The following ASPRV1 variants were observed in gnomAD, a reference collection of about 807,000 sequenced individuals.
ASPRV1 encodes the protein retroviral-like aspartic protease 1.
ASPRV1 carries 7 observed loss-of-function variants against 11.0 expected under a neutral mutation model. The observed-to-expected ratio is 0.64, with a 90% CI of 0.36 to 1.20. The LOEUF (loss-of-function observed/expected upper bound fraction) is 1.20, where lower values mean the gene tolerates loss of function less well. Ranked by LOEUF, ASPRV1 falls within the 50% of genes most tolerant of loss-of-function variation. The pLI is 0.02. For missense variants in ASPRV1, 299 were observed against 320.0 expected (o/e 0.93, Z 0.50); for synonymous variants, 136 against 138.4 (o/e 0.98, Z 0.12).
At chr2:69,948,839 A>G in the ASPRV1 span, among the ~76,000 whole-genome samples, 1 of 151,912 alleles carries the variant, frequency 6.6e-6, no homozygotes, top group Non-Finnish European at 1.5e-5. Context: ...GACAGCACTC[A>G]GGCCTCCCCC....
chr2:69,967,316 C>T, the ASPRV1 span, among the ~76,000 whole-genome samples: 1 of 152,116 alleles, frequency 6.6e-6, no homozygotes, highest in Non-Finnish European at 1.5e-5. Flanking sequence ...AGATGGCAGC[C>T]CAAGGAGCCT....
the ASPRV1 span, among the ~76,000 whole-genome samples, chr2:69,949,945 A>G: frequency 6.6e-6 from 1 of 152,052 alleles, no homozygotes; most frequent in South Asian, 2.1e-4. Flanking sequence ...CCTCCCGAGT[A>G]GCTGGGATTA....
chr2:70,018,905 C>T, the ASPRV1 span: 1 of 152,094 alleles, frequency 6.6e-6, no homozygotes, highest in African/African-American at 2.4e-5. Context: ...GCAACAAAAG[C>T]AAAATAGGAT....
chr2:70,059,665 C>G, the ASPRV1 span: 4 of 166,098 alleles, frequency 2.4e-5, no homozygotes, highest in African/African-American at 9.6e-5. Context: ...TCAGTGGGAG[C>G]CCTGAGCTTG....
chr2:69,974,027 G>T, the ASPRV1 span, among the ~76,000 whole-genome samples: 8 of 152,254 alleles, frequency 5.3e-5, no homozygotes, highest in South Asian at 8.3e-4. Context: ...AATCTTAAAA[G>T]AATAAAGAAT....
chr2:70,038,261 T>C, the ASPRV1 span, among the ~76,000 whole-genome samples: 1 of 152,192 alleles, frequency 6.6e-6, no homozygotes, highest in South Asian at 2.1e-4. Context: ...AAGAAATGCA[T>C]GAAGGCTGGG....
At chr2:70,007,382 G>T in the ASPRV1 span, among the ~76,000 whole-genome samples, 1 of 152,028 alleles carries the variant, frequency 6.6e-6, no homozygotes, top group African/African-American at 2.4e-5. Flanking sequence ...TGAGCCGGGC[G>T]TGTTGGCGCA....
the ASPRV1 span, among the ~76,000 whole-genome samples, chr2:70,080,256 C>A: frequency 4.7e-5 from 7 of 150,054 alleles, no homozygotes; most frequent in Non-Finnish European, 1.0e-4. Context: ...GAGACAGTTT[C>A]ACTCTTGTTG....
chr2:70,079,461 A>T, the ASPRV1 span, among the ~76,000 whole-genome samples: 2 of 152,196 alleles, frequency 1.3e-5, no homozygotes, highest in Admixed American at 6.5e-5. Context: ...CAACAGAGTG[A>T]GAATCTGTCT....
chr2:69,938,073 CCTT>C, the ASPRV1 span: 4 of 1,608,714 alleles, frequency 2.5e-6, no homozygotes, highest in Non-Finnish European at 2.5e-6. Flanking sequence ...TCATCAATGT[CCTT>C]CTCTCTTGTC....
the ASPRV1 span, among the ~76,000 whole-genome samples, chr2:69,975,025 G>T: frequency 6.6e-6 from 1 of 152,204 alleles, no homozygotes; most frequent in South Asian, 2.1e-4. Flanking sequence ...CCGACTGTGG[G>T]TCACACGCGA....
the ASPRV1 span, among the ~76,000 whole-genome samples, chr2:70,055,458 A>C: frequency 6.6e-6 from 1 of 152,258 alleles, no homozygotes; most frequent in Non-Finnish European, 1.5e-5. Context: ...AGCCATAAAA[A>C]GCAATGAGAT....
At chr2:70,001,603 C>T in the ASPRV1 span, among the ~76,000 whole-genome samples, 1 of 152,048 alleles carries the variant, frequency 6.6e-6, no homozygotes, top group African/African-American at 2.4e-5. Context: ...ATTAAAAATA[C>T]AAAAACATTA....
the ASPRV1 span, among the ~76,000 whole-genome samples, chr2:69,971,593 A>C: frequency 6.6e-6 from 1 of 152,252 alleles, no homozygotes; most frequent in Non-Finnish European, 1.5e-5. Context: ...GATATTTAAA[A>C]ATGCAAGTCT....
At chr2:69,971,180 T>A in the ASPRV1 span, 1 of 151,914 alleles carries the variant, frequency 6.6e-6, no homozygotes, top group African/African-American at 2.4e-5. Context: ...AAAAAAAAGT[T>A]GCTTTTTTTT....
the ASPRV1 span, among the ~76,000 whole-genome samples, chr2:70,073,991 G>A: frequency 4.0e-5 from 6 of 151,386 alleles, no homozygotes; most frequent in South Asian, 2.1e-4. Context: ...AAAATTAGCC[G>A]GGCATGGTGG....
the ASPRV1 span, chr2:70,049,616 T>C: frequency 1.3e-5 from 2 of 152,316 alleles, no homozygotes; most frequent in Admixed American, 6.5e-5. Context: ...TTGAACAACA[T>C]AGACTTTATC....
the ASPRV1 span, among the ~76,000 whole-genome samples, chr2:69,970,099 C>T: frequency 6.6e-6 from 1 of 152,172 alleles, no homozygotes; most frequent in African/African-American, 2.4e-5. Flanking sequence ...ACACAGGGGG[C>T]TTCCTCACCT....
chr2:69,988,348 A>T, the ASPRV1 span: 2 of 159,108 alleles, frequency 1.3e-5, no homozygotes, highest in Non-Finnish European at 2.8e-5. Flanking sequence ...AAAGCAATGA[A>T]GTTCTGACAC....
Sources: allele counts gnomAD v4.1 joint callset (sites outside exome capture counted in the v4.1 genomes callset), GRCh38; gene constraint gnomAD v4.1.1; transcripts MANE v1.5; gene names NCBI Gene and HGNC (gene_info 2026-07-23, HGNC 2026-07-21).